Variants in DNAI3 observed in about 807,000 individuals in gnomAD.
DNAI3 encodes the protein WD repeat domain 63.
Under a neutral mutation model 115.5 loss-of-function variants are expected in DNAI3, and 83 were observed. That is an observed-to-expected ratio of 0.72 (90% confidence interval 0.60 to 0.86). The LOEUF (loss-of-function observed/expected upper bound fraction) is 0.86. DNAI3 is among the 40% of genes least tolerant of loss of function. The pLI, the probability that DNAI3 is intolerant of heterozygous loss-of-function variation, is 0.00. For synonymous variants in DNAI3, 320 were observed against 347.0 expected, an observed-to-expected ratio of 0.92 and a Z score of 0.86; for missense variants, 1,004 against 1,075.8, an observed-to-expected ratio of 0.93 and a Z score of 0.93.
chr1:85,069,621 C>T (rs531887931), intron 1 of DNAI3, among the ~76,000 whole-genome samples: 14 of 152,080 alleles, frequency 9.2e-5, no homozygotes, highest in African/African-American at 3.1e-4. Flanking sequence ...CTCCTGACCT[C>T]GCGATCCACC....
At chr1:85,082,652 C>T (rs551986377) in intron 5 of DNAI3, among the ~76,000 whole-genome samples, 17 of 152,160 alleles carry the variant, frequency 1.1e-4, no homozygotes, top group Non-Finnish European at 2.2e-4. Context: ...CATATGTTGC[C>T]CAGGCTGGGC....
intron 7 of DNAI3, among the ~76,000 whole-genome samples, chr1:85,089,725 G>A (rs942357361): frequency 3.3e-5 from 5 of 151,860 alleles, no homozygotes; most frequent in African/African-American, 1.2e-4. Context: ...AATGTCCCAT[G>A]AGGGGGTGAG....
At chr1:85,124,350 C>T (rs1003644828) in intron 19 of DNAI3, 99 bp downstream of exon 19, 1 of 1,544,292 alleles carries the variant, frequency 6.5e-7, no homozygotes, top group Non-Finnish European at 8.9e-7. Flanking sequence ...GCCTTTGGGA[C>T]ACTTTTTAGA....
At chr1:85,077,545 A>T (rs1654496563) in intron 3 of DNAI3, among the ~76,000 whole-genome samples, 1 of 152,220 alleles carries the variant, frequency 6.6e-6, no homozygotes, top group Non-Finnish European at 1.5e-5. Flanking sequence ...GTTCAACAAT[A>T]TGAATGAATC....
intron 7 of DNAI3, among the ~76,000 whole-genome samples, chr1:85,089,552 T>C (rs1328386947): frequency 2.0e-5 from 3 of 150,366 alleles, no homozygotes. Context: ...TAGAGCAGAG[T>C]TTCTCAACTT....
At chr1:85,074,789 A>C (rs1654401112) in intron 3 of DNAI3, among the ~76,000 whole-genome samples, 1 of 152,204 alleles carries the variant, frequency 6.6e-6, no homozygotes, top group South Asian at 2.1e-4. Context: ...TAACTAGTCA[A>C]TACATAACCT....
Position 85,098,540 on chromosome 1 carries a change from T to C in DNAI3, c.1361T>C (p.Leu454Pro). 6.2e-7 allele frequency: 1 copy of C among 1,611,156 alleles called. No homozygotes were observed. ...SKRATLKPMF[L>P]LEPESNKEAM... ...TTTAATATTTTTCAGCCTATGTTTC[T>C]CCTTGAACCGGAGAGTAATAAAGAA... Residue 454 changes from leucine to proline, a missense_variant, in exon 13 of 23, where the codon CTC becomes CCC. This residue lies in a region of DNAI3 where 550 missense variants were observed against 568.1 expected (regional missense o/e 0.97). Transcript: ENST00000294664.
At chr1:85,099,002 T>C (rs1247425145) in intron 13 of DNAI3, among the ~76,000 whole-genome samples, 1 of 152,198 alleles carries the variant, frequency 6.6e-6, no homozygotes, top group Non-Finnish European at 1.5e-5. Flanking sequence ...CTCAGATATC[T>C]GGGGGAAGGG....
At chr1:85,077,111 G>A (rs567477081) in intron 3 of DNAI3, among the ~76,000 whole-genome samples, 1 of 152,302 alleles carries the variant, frequency 6.6e-6, no homozygotes, top group East Asian at 1.9e-4. Context: ...TATAAAGACA[G>A]ATAAGTAGAT....
At chr1:85,130,667 T>TGATAGATA (rs71736981) in intron 22 of DNAI3, among the ~76,000 whole-genome samples, 1,517 of 148,460 alleles carry the variant, frequency 0.01, 12 homozygotes, top group African/African-American at 0.013. Flanking sequence ...ATTAGATAGA[T>TGATAGATA]GATAGATAGA....
chr1:85,125,382 T>G (rs1656102645), intron 19 of DNAI3, among the ~76,000 whole-genome samples: 1 of 152,046 alleles, frequency 6.6e-6, no homozygotes. Flanking sequence ...TATATAAATG[T>G]ATATATATTT....
chr1:85,066,608 G>T (rs977830830), intron 1 of DNAI3, among the ~76,000 whole-genome samples: 1 of 152,052 alleles, frequency 6.6e-6, no homozygotes. Context: ...GATTACAGGC[G>T]TGAGCCACTG....
rs2100586700 is a variant in DNAI3, at chr1:85,098,651, C to T, written c.1472C>T (p.Thr491Ile). The change falls in exon 13 of 23, where the codon ACA becomes ATA. Residue 491 changes from threonine to isoleucine, a missense_variant. By Grantham distance (89) the Thr-to-Ile change is moderately conservative. Transcript: ENST00000294664. The part of the protein sequence containing the change: ...VITDIHWLSD[T>I]FEINRMGSVF... ...ACAGATATACACTGGTTGTCTGACA[C>T]ATTTGAGGTGAGACTTGATGGCCTT... is the stretch of plus-strand genomic sequence containing the variant. 4 of 1,612,412 alleles carry T rather than the reference C, an allele frequency of 2.5e-6. No individual in the cohort carries two copies. Among genetic ancestry groups the T allele is most frequent in the Non-Finnish European group, 3.4e-6 (4 of 1,179,376 alleles).
At chr1:85,091,424 A>G (rs955797353) in intron 8 of DNAI3, among the ~76,000 whole-genome samples, 5 of 152,234 alleles carry the variant, frequency 3.3e-5, no homozygotes, top group African/African-American at 1.2e-4. Flanking sequence ...TGTGGGAAGG[A>G]GAAGCCAGAT....
rs1196214326 is a variant in DNAI3 at position 85,099,506 on chromosome 1, G to C, written c.1479+848G>C. ...ACAAACAAATGGAAGAACATTCCATGCTCATGGATAGGAAGAATCAATATC... is the reference window on the plus strand; with the variant it reads ...ACAAACAAATGGAAGAACATTCCATCCTCATGGATAGGAAGAATCAATATC... On this transcript the variant is annotated intron_variant, in intron 13 of 22. Coordinates refer to ENST00000294664, the MANE Select transcript of DNAI3 (RefSeq NM_145172.5). The C allele has an allele frequency of 7.8e-5, 12 of 153,728 alleles. No homozygotes were observed. In the Admixed American group the frequency reaches 7.9e-4, roughly 10 times the overall value. The allele number at this position is 153,728 out of a possible 1,614,324, so 9.5% of individuals were successfully genotyped here.
chr1:85,088,665 T>C (rs1654867546), intron 7 of DNAI3, among the ~76,000 whole-genome samples: 1 of 152,170 alleles, frequency 6.6e-6, no homozygotes, highest in Non-Finnish European at 1.5e-5. Context: ...ATAGAGAAAC[T>C]GAAGCAAAGA....
Position 85,082,292 on chromosome 1 carries a change from T to G in DNAI3, c.286-8T>G. The G allele has an allele frequency of 3.1e-6, 5 of 1,602,680 alleles. No individual in the cohort carries two copies. The highest frequency in any genetic ancestry group is 4.3e-6 in the Non-Finnish European group (5 of 1,171,574). ...CATTAACTTCCTATCTCAATTATATTCTTGTAGGAATATCCTGGAAATGAG... is the reference window on the plus strand; with the variant it reads ...CATTAACTTCCTATCTCAATTATATGCTTGTAGGAATATCCTGGAAATGAG... On this transcript the variant is annotated splice_polypyrimidine_tract_variant and splice_region_variant and intron_variant, in intron 4 of 22. Transcript: ENST00000294664.
rs202074355 is a variant in DNAI3 at position 85,104,570 on chromosome 1, G to T, written c.1526G>T (p.Cys509Phe). 1 of 1,613,834 alleles carries T rather than the reference G, an allele frequency of 6.2e-7. No individual in the cohort carries two copies. Among genetic ancestry groups the T allele is most frequent in the Admixed American group, 1.7e-5 (1 of 60,032 alleles). Residue 509 changes from cysteine (C) to phenylalanine (F), a missense_variant, in exon 14 of 23, where the codon TGT becomes TTT. Transcript: ENST00000294664. ...SVFENRSGIC[C>F]QLVTCSADCT... ...TTTGAGAATCGAAGTGGAATATGCTGTCAACTTGTCACATGTTCAGCAGAT... is the reference window on the plus strand; with the variant it reads ...TTTGAGAATCGAAGTGGAATATGCTTTCAACTTGTCACATGTTCAGCAGAT...
chr1:85,132,851 C>T lies in DNAI3; in HGVS notation c.2533-4C>T. 3 of 1,611,978 alleles carry T rather than the reference C, an allele frequency of 1.9e-6. No individual in the cohort carries two copies. The highest frequency in any genetic ancestry group is 1.7e-6 in the Non-Finnish European group (2 of 1,179,284). ...GGGATGTCTTGTTTTTCTTCCCCCCCCAGAAAACATATCAGAAGTCAAAAG... is the reference window on the plus strand; with the variant it reads ...GGGATGTCTTGTTTTTCTTCCCCCCTCAGAAAACATATCAGAAGTCAAAAG... On this transcript the variant is annotated splice_polypyrimidine_tract_variant and splice_region_variant and intron_variant, in intron 22 of 22. Transcript: ENST00000294664.
Sources: gnomAD v4.1 joint callset for allele counts (sites outside exome capture counted in the v4.1 genomes callset) on GRCh38, gnomAD v4.1.1 for gene constraint, gnomAD v4.1.1 regional missense constraint, MANE v1.5 for transcripts, NCBI Gene and HGNC (gene_info 2026-07-23, HGNC 2026-07-21) for gene names.